ZNF462: variants seen among roughly 807,000 people sequenced by gnomAD.
The protein encoded by ZNF462 is zinc finger protein 462.
In ZNF462, 10 loss-of-function variants were observed where a neutral mutation model predicts 201.9. That is an observed-to-expected ratio of 0.05 (90% CI 0.03 to 0.08). The LOEUF (loss-of-function observed/expected upper bound fraction) is 0.08, where lower values mean the gene tolerates loss of function less well. Ranked by LOEUF, ZNF462 falls within the 10% of genes least tolerant of loss-of-function variation. ZNF462 has a pLI of 1.00. For missense variants in ZNF462, 2,523 were observed against 3,168.3 expected (o/e 0.80, Z 4.89); for synonymous variants, 1,227 against 1,193.3 (o/e 1.03, Z -0.58).
rs568662393 is a variant in ZNF462 at position 106,880,131 on chromosome 9, A to G, written c.-31+16776A>G. Among the ~76,000 whole-genome samples, 2 of 152,088 alleles carry G rather than the reference A, an allele frequency of 1.3e-5. No individual in the cohort carries two copies. Among genetic ancestry groups the G allele is most frequent in the Admixed American group, 1.3e-4 (2 of 15,270 alleles). ...AACAGAGTTGCTCGTAACCACCAAG[A>G]GCCCTCTCAATTTCTGCCGCCCGCT... is the stretch of plus-strand genomic sequence containing the variant. On this transcript the variant is annotated intron_variant, in intron 1 of 12. Transcript: ENST00000277225. The surrounding 1 kb of genome is among the most constrained non-coding windows in gnomAD (Gnocchi z 4.1).
At chr9:106,971,946 A>G in intron 7 of ZNF462, 59 bp from the exon 8 acceptor site, 1 of 1,543,994 alleles carries the variant, frequency 6.5e-7, no homozygotes, top group Non-Finnish European at 8.7e-7. Flanking sequence ...GGGGTTTTCA[A>G]GCATCGATCA....
chr9:106,953,831 A>T (rs1340184610), intron 7 of ZNF462, among the ~76,000 whole-genome samples: 1 of 152,088 alleles, frequency 6.6e-6, no homozygotes, highest in Non-Finnish European at 1.5e-5. Flanking sequence ...TTAATTTCCT[A>T]CTAAACTTGT....
chr9:106,957,038 T>C (rs1831609614), intron 7 of ZNF462, among the ~76,000 whole-genome samples: 1 of 152,204 alleles, frequency 6.6e-6, no homozygotes, highest in Admixed American at 6.5e-5. Flanking sequence ...CAAGAACTTT[T>C]CCTTTGCATT....
In ZNF462 at chr9:106,875,072, C is replaced by T. The variant is rs553600398; in HGVS notation, c.-31+11717C>T. Among the ~76,000 whole-genome samples the T allele has an allele frequency of 1.0e-3, 152 of 152,104 alleles. 1 individual carries two copies. Among genetic ancestry groups the T allele is most frequent in the Middle Eastern group, 3.4e-3 (1 of 294 alleles). ...ATCAACTACAATTATCAAAATTGAC[C>T]CCAGCATAGGTAAGTGTTAGGAATC... On this transcript the variant is annotated intron_variant, in intron 1 of 12. Coordinates refer to ENST00000277225, the MANE Select transcript of ZNF462 (RefSeq NM_021224.6).
At chr9:106,944,857 A>C (rs1831035332) in intron 7 of ZNF462, among the ~76,000 whole-genome samples, 1 of 152,214 alleles carries the variant, frequency 6.6e-6, no homozygotes, top group African/African-American at 2.4e-5. Flanking sequence ...AAAAAGGGCC[A>C]GACAGAAAAT....
rs557709151 is a variant in ZNF462, at chr9:106,902,424, G to C, written c.-30-20930G>C. Among the ~76,000 whole-genome samples, 3 of 152,134 alleles carry C rather than the reference G, an allele frequency of 2.0e-5. 1 individual carries two copies. The highest frequency in any genetic ancestry group is 2.0e-4 in the Admixed American group (3 of 15,278). On this transcript the variant is annotated intron_variant, in intron 1 of 12. Transcript: ENST00000277225. The surrounding 1 kb of genome is among the most constrained non-coding windows in gnomAD (Gnocchi z 4.2). The stretch of plus-strand genomic sequence containing the variant: ...TTCCTGGTTTTGGTATTAGAGTGCT[G>C]CTGGATTCATAGAATGAATTAGGGA...
intron 9 of ZNF462, among the ~76,000 whole-genome samples, chr9:106,976,940 C>T: frequency 6.6e-6 from 1 of 152,196 alleles, no homozygotes; most frequent in East Asian, 1.9e-4. Flanking sequence ...ACCCACAGCT[C>T]TTGCCTTTAC....
intron 1 of ZNF462, among the ~76,000 whole-genome samples, chr9:106,889,517 T>C (rs898615841): frequency 2.0e-5 from 3 of 152,228 alleles, no homozygotes; most frequent in African/African-American, 7.2e-5. Flanking sequence ...GTGGCTGCCA[T>C]TGGTGTTTAC....
intron 1 of ZNF462, among the ~76,000 whole-genome samples, chr9:106,877,430 C>T (rs2130894808): frequency 6.6e-6 from 1 of 150,466 alleles, no homozygotes; most frequent in African/African-American, 2.4e-5. Flanking sequence ...GCGCTGTTGC[C>T]CAGGCTGGAG....
chr9:106,873,259 C>G (rs1226365635), intron 1 of ZNF462, among the ~76,000 whole-genome samples: 1 of 152,052 alleles, frequency 6.6e-6, no homozygotes. Context: ...GTGTGTTTAA[C>G]TTAAGAGCGC....
chr9:106,927,738 T>A lies in ZNF462; in HGVS notation c.3826T>A (p.Tyr1276Asn). The change falls in exon 3 of 13, where the codon TAC becomes AAC. Residue 1276 changes from tyrosine to asparagine, a missense_variant. By Grantham distance (143) the Tyr-to-Asn change is moderately radical (BLOSUM62 -2). Coordinates refer to ENST00000277225, the MANE Select transcript of ZNF462 (RefSeq NM_021224.6). ...KCRQCSYTSP[Y>N]FYALRKHIKK... is the part of the protein sequence containing the mutation. ...TAGGCAGTGCTCATATACCTCCCCCTACTTCTATGCACTGAGGAAGCATAT... is the reference window on the plus strand; with the variant it reads ...TAGGCAGTGCTCATATACCTCCCCCAACTTCTATGCACTGAGGAAGCATAT... 6.2e-7 allele frequency: 1 copy of A among 1,614,034 alleles called. No individual in the cohort carries two copies. The highest frequency in any genetic ancestry group is 8.5e-7 in the Non-Finnish European group (1 of 1,180,012).
chr9:106,961,062 G>A (rs960687581), intron 7 of ZNF462, among the ~76,000 whole-genome samples: 10 of 152,112 alleles, frequency 6.6e-5, no homozygotes, highest in Non-Finnish European at 1.2e-4. Context: ...ATTGCAAAGG[G>A]CTCTATTTGT....
intron 1 of ZNF462, among the ~76,000 whole-genome samples, chr9:106,864,039 G>GCTCGCGCTCTCT (rs1827179488): frequency 3.5e-4 from 8 of 22,758 alleles, no homozygotes; most frequent in Non-Finnish European, 5.1e-4. Flanking sequence ...CAGGTATTTG[G>GCTCGCGCTCTCT]CTCTCTCTCT....
intron 9 of ZNF462, chr9:106,975,153 T>C (rs1237300455): frequency 1.3e-5 from 2 of 152,210 alleles, no homozygotes; most frequent in Non-Finnish European, 2.9e-5. Flanking sequence ...GGAGTACTCA[T>C]TGCCAGTCTT....
In ZNF462 at chr9:106,984,356, T is replaced by C; in HGVS notation, c.7003T>C (p.Tyr2335His). Residue 2335 changes from tyrosine (Y) to histidine (H), a missense_variant, in exon 10 of 13, where the codon TAT becomes CAT. Physicochemically the swap from Tyr to His is moderately conservative, Grantham distance 83 (BLOSUM62 2). Coordinates refer to ENST00000277225, the MANE Select transcript of ZNF462 (RefSeq NM_021224.6). This position sits in a 1 kb window ranked among gnomAD's most constrained non-coding sequence, Gnocchi z 6.4. ...ACCTTACAAATGCCAGCTCTGCTAC[T>C]ATGAGACCAAGCACACGGAGGAACT... ...LKPYKCQLCYYETKHTEELDS... is the reference protein window; with the variant it reads ...LKPYKCQLCYHETKHTEELDS... 6.2e-7 allele frequency: 1 copy of C among 1,614,104 alleles called. No individual in the cohort carries two copies. Among genetic ancestry groups the C allele is most frequent in the Non-Finnish European group, 8.5e-7 (1 of 1,179,994 alleles).
At chr9:106,988,165 G>T (rs982080011) in intron 10 of ZNF462, among the ~76,000 whole-genome samples, 8 of 152,136 alleles carry the variant, frequency 5.3e-5, no homozygotes, top group African/African-American at 1.9e-4. Flanking sequence ...AAAGCAAGAG[G>T]TTTAATTGGA....
chr9:106,982,388 CA>C (rs1827503872), intron 9 of ZNF462, among the ~76,000 whole-genome samples: 1 of 152,062 alleles, frequency 6.6e-6, no homozygotes, highest in Non-Finnish European at 1.5e-5. Context: ...TATCCTGTCC[CA>C]AAATTTCAAT....
rs1215648773 is a variant in ZNF462 at position 106,923,679 on chromosome 9, C to T, written c.220+76C>T. ...TTCCTTTTAGCCTGTAGCCATGGTT[C>T]TTAATATACGTGGCTTTTGCAGAGT... On this transcript the variant is annotated intron_variant, in intron 2 of 12. Coordinates refer to ENST00000277225, the MANE Select transcript of ZNF462 (RefSeq NM_021224.6). This position sits in a 1 kb window ranked among gnomAD's most constrained non-coding sequence, Gnocchi z 5.6. 5 of 1,481,478 alleles carry T rather than the reference C, an allele frequency of 3.4e-6. No individual in the cohort carries two copies. Among genetic ancestry groups the T allele is most frequent in the Non-Finnish European group, 4.7e-6 (5 of 1,072,132 alleles). The allele number at this position is 1,481,478 out of a possible 1,614,324, so 91.8% of individuals were successfully genotyped here. A position where few individuals can be genotyped will look rare whatever the true frequency, so the allele number is the denominator to read the frequency against.
At chr9:106,874,511 A>G (rs1564069769) in intron 1 of ZNF462, among the ~76,000 whole-genome samples, 1 of 152,210 alleles carries the variant, frequency 6.6e-6, no homozygotes, top group Non-Finnish European at 1.5e-5. Flanking sequence ...AGCTTGGGAT[A>G]TGTTCTAAGG....
Sources: allele counts gnomAD v4.1 joint callset (sites outside exome capture counted in the v4.1 genomes callset), GRCh38; gene constraint gnomAD v4.1.1; non-coding constraint Gnocchi (gnomAD v3.1); transcripts MANE v1.5; gene names NCBI Gene and HGNC (gene_info 2026-07-23, HGNC 2026-07-21).